SLCO2A1: variants seen among roughly 807,000 people sequenced by gnomAD.
The protein encoded by SLCO2A1 is matrin F/G 1.
In SLCO2A1, 60 loss-of-function variants were observed where a neutral mutation model predicts 71.7. The observed-to-expected ratio is 0.84, with a 90% CI of 0.68 to 1.04. SLCO2A1 has a LOEUF of 1.04. SLCO2A1 is among the 50% of genes least tolerant of loss of function. SLCO2A1 has a pLI of 0.00. For synonymous variants in SLCO2A1, 308 were observed against 326.7 expected (o/e 0.94, Z 0.62); for missense variants, 745 against 813.4 (o/e 0.92, Z 1.02).
At position 134,018,498 on chromosome 3, in the gene SLCO2A1, G is replaced by A. The variant is rs1324188433; in HGVS notation, c.96+11209C>T. 2.0e-5 allele frequency among the ~76,000 whole-genome samples: 3 copies of A among 152,190 alleles called. No individual in the cohort carries two copies. In the East Asian group the frequency reaches 5.8e-4, roughly 29 times the overall value. On this transcript the variant is annotated intron_variant, in intron 1 of 13. Transcript: ENST00000310926. Reference sequence around the variant, plus strand: ...CAGGCCAGAAGTCACCAGGGCCACCGAAGCCAAGCTGTGAGGTTTGCCTTT... The same window carrying A: ...CAGGCCAGAAGTCACCAGGGCCACCAAAGCCAAGCTGTGAGGTTTGCCTTT...
chr3:133,961,519 C>T (rs1934035201), intron 3 of SLCO2A1, among the ~76,000 whole-genome samples: 1 of 152,132 alleles, frequency 6.6e-6, no homozygotes, highest in Admixed American at 6.5e-5. Context: ...CATTGAATGA[C>T]TTATTAAGTC....
chr3:133,983,101 G>A (rs138268764), intron 1 of SLCO2A1, among the ~76,000 whole-genome samples: 22 of 152,214 alleles, frequency 1.4e-4, no homozygotes, highest in African/African-American at 5.1e-4. Context: ...CTCTGAATAT[G>A]GGCCAATCTT....
At chr3:133,966,434 G>A (rs1394429901) in intron 3 of SLCO2A1, among the ~76,000 whole-genome samples, 1 of 152,128 alleles carries the variant, frequency 6.6e-6, no homozygotes, top group East Asian at 1.9e-4. Context: ...AGCACAAGAC[G>A]ATGAGAGGGG....
chr3:134,029,274 G>T (rs1475041327), intron 1 of SLCO2A1, among the ~76,000 whole-genome samples: 1 of 151,996 alleles, frequency 6.6e-6, no homozygotes. Context: ...CCCAAAGCGC[G>T]GGGGGTCCCC....
chr3:133,978,433 G>C lies in SLCO2A1; in HGVS notation c.234+1048C>G, dbSNP rs116468723. 8.1e-3 allele frequency among the ~76,000 whole-genome samples: 1,231 copies of C among 152,288 alleles called. 12 individuals carry two copies. Among genetic ancestry groups the C allele is most frequent in the Non-Finnish European group, 0.014 (951 of 68,016 alleles). ...CCGTAGAAGGGACTGTCACAGGAAA[G>C]TGGTCCTGGGGTCACTGCTATGTGG... On this transcript the variant is annotated intron_variant, in intron 2 of 13. Transcript: ENST00000310926.
Position 133,947,132 on chromosome 3 carries a change from T to TC in SLCO2A1, c.1295+123dup. On this transcript the variant is annotated intron_variant, in intron 9 of 13. Coordinates refer to ENST00000310926, the MANE Select transcript of SLCO2A1 (RefSeq NM_005630.3). ...CTGGGTGACGGAGCGAGACTCTGTC[T>TC]CAAAAAAAAAAAAAAGTGTACAGCA... 1.1e-5 allele frequency: 8 copies of TC among 758,832 alleles called. No homozygotes were observed. The East Asian group carries it at 2.3e-4, about 21-fold the overall frequency. 47.0% of individuals were successfully genotyped at this position (758,832 alleles called of 1,614,324 possible). A position where few individuals can be genotyped will look rare whatever the true frequency, so the allele number is the denominator to read the frequency against.
chr3:133,993,911 C>T lies in SLCO2A1; in HGVS notation c.97-14293G>A, dbSNP rs374496519. Among the ~76,000 whole-genome samples the T allele has an allele frequency of 2.0e-4, 30 of 152,252 alleles. No homozygotes were observed. The East Asian group carries it at 2.9e-3, about 15-fold the overall frequency. ...AGTTTGAAGATTAAGCCCTTCTCTT[C>T]CTGCCTTCAAGGAAAGAGAAGCTAG... On this transcript the variant is annotated intron_variant, in intron 1 of 13. Coordinates refer to ENST00000310926, the MANE Select transcript of SLCO2A1 (RefSeq NM_005630.3).
chr3:133,978,353 A>T lies in SLCO2A1; in HGVS notation c.234+1128T>A, dbSNP rs144717673. 5.3e-5 allele frequency among the ~76,000 whole-genome samples: 8 copies of T among 152,248 alleles called. No individual in the cohort carries two copies. In the South Asian group the frequency reaches 1.0e-3, roughly 20 times the overall value. Reference sequence around the variant, plus strand: ...CTGGATGGAGTACTCAGGCTTTCTGATGCCGGGTTCCTTGTCTGAGAAACA... The same window carrying T: ...CTGGATGGAGTACTCAGGCTTTCTGTTGCCGGGTTCCTTGTCTGAGAAACA... On this transcript the variant is annotated intron_variant, in intron 2 of 13. Transcript: ENST00000310926.
chr3:133,935,031 G>A (rs1933234637), intron 13 of SLCO2A1, among the ~76,000 whole-genome samples: 1 of 152,126 alleles, frequency 6.6e-6, no homozygotes. Flanking sequence ...GAGTAGGCAT[G>A]GGACTCTTAA....
Position 133,934,802 on chromosome 3 carries a change from C to T in SLCO2A1, c.1843G>A (p.Ala615Thr), listed in dbSNP as rs1452674477. 2 of 1,612,156 alleles carry T rather than the reference C, an allele frequency of 1.2e-6. No homozygotes were observed. The highest frequency in any genetic ancestry group is 1.3e-5 in the African/African-American group (1 of 74,984). Residue 615 changes from alanine (A) to threonine (T), a missense_variant, in exon 14 of 14, where the codon GCG (alanine) becomes ACG (threonine). By Grantham distance (58) the Ala-to-Thr change is moderately conservative. Coordinates refer to ENST00000310926, the MANE Select transcript of SLCO2A1 (RefSeq NM_005630.3). ...AAGCAAAGCAGCAGCATGCCCAGCG[C>T]CTTGTAGCCCATCTGCAGGCCCAGG... The part of the protein sequence containing the change: ...RYLGLQMGYK[A>T]LGMLLLCFIS...
At chr3:133,979,766 C>G in intron 1 of SLCO2A1, 148 bp from the exon 2 acceptor site, 1 of 825,758 alleles carries the variant, frequency 1.2e-6, no homozygotes, top group Non-Finnish European at 1.9e-6. Flanking sequence ...CAGGATGAAA[C>G]GTCATCATTG....
intron 3 of SLCO2A1, among the ~76,000 whole-genome samples, chr3:133,972,474 G>T (rs570112442): frequency 6.6e-6 from 1 of 151,948 alleles, no homozygotes; most frequent in African/African-American, 2.4e-5. Context: ...GAATGTTTTT[G>T]GCAGAAAATT....
At chr3:133,945,073 T>C in intron 10 of SLCO2A1, 22 bp downstream of exon 10, 1 of 1,602,650 alleles carries the variant, frequency 6.2e-7, no homozygotes, top group African/African-American at 1.3e-5. Flanking sequence ...TCCTCTTGCC[T>C]CTGGACCCTG....
At chr3:133,979,383 A>G (rs1934531190) in intron 2 of SLCO2A1, 98 bp downstream of exon 2, 2 of 1,464,016 alleles carry the variant, frequency 1.4e-6, no homozygotes, top group East Asian at 2.3e-5. Flanking sequence ...CATTGCACCT[A>G]TGTGCACATC....
intron 2 of SLCO2A1, among the ~76,000 whole-genome samples, chr3:133,976,355 G>A (rs1934446689): frequency 6.6e-6 from 1 of 152,234 alleles, no homozygotes. Context: ...TATCAGCTGT[G>A]CTGACTGTGG....
At chr3:133,944,228 T>C (rs989695126) in intron 10 of SLCO2A1, among the ~76,000 whole-genome samples, 1 of 152,224 alleles carries the variant, frequency 6.6e-6, no homozygotes, top group Non-Finnish European at 1.5e-5. Flanking sequence ...CTGGGAACTC[T>C]CCATCCTATT....
chr3:133,975,500 C>T (rs1696993679), intron 2 of SLCO2A1, among the ~76,000 whole-genome samples: 2 of 152,168 alleles, frequency 1.3e-5, no homozygotes, highest in Non-Finnish European at 2.9e-5. Flanking sequence ...ATTCTCCACC[C>T]AGCAGCCAGA....
At chr3:134,005,582 C>G (rs1003991025) in intron 1 of SLCO2A1, among the ~76,000 whole-genome samples, 1 of 150,966 alleles carries the variant, frequency 6.6e-6, no homozygotes, top group Non-Finnish European at 1.5e-5. Context: ...CCCGGGTTCA[C>G]GCCATTCTCC....
At chr3:133,949,083 C>A in intron 6 of SLCO2A1, 112 bp from the exon 7 acceptor site, 1 of 861,656 alleles carries the variant, frequency 1.2e-6, no homozygotes. Context: ...GAGGTGAGCC[C>A]CCTCCAGGCG....
Sources: gnomAD v4.1 joint callset for allele counts (sites outside exome capture counted in the v4.1 genomes callset) on GRCh38, gnomAD v4.1.1 for gene constraint, MANE v1.5 for transcripts, NCBI Gene and HGNC (gene_info 2026-07-23, HGNC 2026-07-21) for gene names.